GRM7: variants seen among roughly 807,000 people sequenced by gnomAD.
GRM7 encodes metabotropic glutamate receptor 7.
Under a neutral mutation model 84.5 loss-of-function variants are expected in GRM7, and 35 were observed. The observed-to-expected ratio is 0.41, with a 90% CI of 0.32 to 0.55. The LOEUF is 0.55. GRM7 is among the 20% of genes least tolerant of loss of function. GRM7 has a pLI of 0.19. For synonymous variants in GRM7, 487 were observed against 455.1 expected (o/e 1.07, Z -0.89); for missense variants, 1,003 against 1,194.6 (o/e 0.84, Z 2.36).
At chr3:7,570,344 G>A (rs1265010420) in intron 7 of GRM7, among the ~76,000 whole-genome samples, 1 of 152,168 alleles carries the variant, frequency 6.6e-6, no homozygotes, top group Non-Finnish European at 1.5e-5. Context: ...TTCTGCTTAT[G>A]AGCCTGTAAA....
chr3:7,443,505 AAT>A (rs1697378774), intron 5 of GRM7, among the ~76,000 whole-genome samples: 1 of 152,068 alleles, frequency 6.6e-6, no homozygotes, highest in African/African-American at 2.4e-5. Flanking sequence ...TTGTAATCTA[AAT>A]ATGTTTCCCT....
chr3:7,024,763 C>T (rs1304158993), intron 1 of GRM7, among the ~76,000 whole-genome samples: 1 of 152,196 alleles, frequency 6.6e-6, no homozygotes, highest in Admixed American at 6.5e-5. Flanking sequence ...TACTGAAAAT[C>T]TTCTCCTAGA....
intron 1 of GRM7, among the ~76,000 whole-genome samples, chr3:6,911,116 A>G (rs577320153): frequency 4.6e-5 from 7 of 152,274 alleles, no homozygotes; most frequent in Non-Finnish European, 7.4e-5. Flanking sequence ...AACCAAAAAC[A>G]ACAGGAAAGA....
chr3:7,502,603 C>T (rs1379870000), intron 7 of GRM7, among the ~76,000 whole-genome samples: 4 of 152,008 alleles, frequency 2.6e-5, no homozygotes, highest in Admixed American at 6.6e-5. Flanking sequence ...TGTGCACACA[C>T]ACGCACAGAT....
chr3:6,927,003 C>T (rs886791858), intron 1 of GRM7, among the ~76,000 whole-genome samples: 10 of 152,068 alleles, frequency 6.6e-5, no homozygotes, highest in African/African-American at 2.2e-4. Context: ...GGAAGCAGCC[C>T]GCATCTTTCA....
intron 9 of GRM7, among the ~76,000 whole-genome samples, chr3:7,739,439 A>T (rs372572256): frequency 6.6e-6 from 1 of 152,206 alleles, no homozygotes; most frequent in African/African-American, 2.4e-5. Context: ...AGTAAATGCT[A>T]CACAAAAGTT....
At chr3:7,677,653 T>C (rs1700187804) in intron 8 of GRM7, among the ~76,000 whole-genome samples, 1 of 152,218 alleles carries the variant, frequency 6.6e-6, no homozygotes, top group African/African-American at 2.4e-5. Flanking sequence ...AAAGTCTTGA[T>C]GGTCTCTAGT....
At chr3:7,553,486 A>G (rs1480033149) in intron 7 of GRM7, among the ~76,000 whole-genome samples, 2 of 152,136 alleles carry the variant, frequency 1.3e-5, no homozygotes, top group Non-Finnish European at 2.9e-5. Context: ...TCATTTTCAT[A>G]TGGCCATAAA....
At chr3:7,498,702 A>G (rs1303114893) in intron 7 of GRM7, among the ~76,000 whole-genome samples, 1 of 152,242 alleles carries the variant, frequency 6.6e-6, no homozygotes. Flanking sequence ...CTGTATCTCT[A>G]GAAGGCATTT....
chr3:7,636,010 CA>C (rs1279644230), intron 8 of GRM7, among the ~76,000 whole-genome samples: 7 of 152,052 alleles, frequency 4.6e-5, no homozygotes, highest in Non-Finnish European at 7.4e-5. Flanking sequence ...TACTTTGCTT[CA>C]AAAAAGCACA....
In GRM7 at chr3:7,596,786, A is replaced by T. The variant is rs554228352; in HGVS notation, c.2451+17429A>T. Among the ~76,000 whole-genome samples the T allele has an allele frequency of 2.0e-5, 3 of 152,216 alleles. No individual in the cohort carries two copies. The East Asian group carries it at 5.8e-4, about 30-fold the overall frequency. ...GAGAGAGAGCTTCTGTGAGCATAAT[A>T]AAGGCTCTCAAGGGGTTTTACTGTC... On this transcript the variant is annotated intron_variant, in intron 8 of 9. Coordinates refer to ENST00000357716, the MANE Select transcript of GRM7 (RefSeq NM_000844.4).
At chr3:7,668,024 G>C (rs1699770491) in intron 8 of GRM7, among the ~76,000 whole-genome samples, 1 of 152,168 alleles carries the variant, frequency 6.6e-6, no homozygotes, top group Admixed American at 6.5e-5. Context: ...AGAGTTGTTG[G>C]ATTTTCATTG....
chr3:7,227,026 A>G (rs1353192826), intron 2 of GRM7, among the ~76,000 whole-genome samples: 2 of 152,214 alleles, frequency 1.3e-5, no homozygotes, highest in Non-Finnish European at 2.9e-5. Context: ...GTTAAAAATT[A>G]ACTAGAGATT....
chr3:7,040,477 G>A (rs1696557709), intron 1 of GRM7, among the ~76,000 whole-genome samples: 1 of 151,802 alleles, frequency 6.6e-6, no homozygotes, highest in African/African-American at 2.4e-5. Context: ...TAATTTTTTT[G>A]TATTTTTAGT....
At chr3:7,651,027 G>A (rs951137840) in intron 8 of GRM7, among the ~76,000 whole-genome samples, 2 of 136,200 alleles carry the variant, frequency 1.5e-5, no homozygotes, top group Non-Finnish European at 3.3e-5. Flanking sequence ...GAAAATTGTG[G>A]GGAAAGAAGG....
intron 2 of GRM7, among the ~76,000 whole-genome samples, chr3:7,292,726 T>TTA (rs1559558184): frequency 7.1e-6 from 1 of 140,792 alleles, no homozygotes; most frequent in Non-Finnish European, 1.6e-5. Context: ...CTTTTTTTTT[T>TTA]AAAAAAAAAA....
At chr3:7,503,369 G>A (rs563511266) in intron 7 of GRM7, among the ~76,000 whole-genome samples, 1 of 151,774 alleles carries the variant, frequency 6.6e-6, no homozygotes, top group Admixed American at 6.6e-5. Context: ...TCCACCAAGA[G>A]AATAAAATGT....
rs2125042340 is a variant in GRM7, at chr3:6,928,871, T to C, written c.519+66964T>C. Among the ~76,000 whole-genome samples the C allele has an allele frequency of 6.6e-6, 1 of 152,360 alleles. No homozygotes were observed. The highest frequency in any genetic ancestry group is 2.4e-5 in the African/African-American group (1 of 41,586). Reference sequence around the variant, plus strand: ...TGATTAGGTTCCCCCATATTTGAACTGGTACATAAAATGCCAGTCATAGTG... The same window carrying C: ...TGATTAGGTTCCCCCATATTTGAACCGGTACATAAAATGCCAGTCATAGTG... On this transcript the variant is annotated intron_variant, in intron 1 of 9. Coordinates refer to ENST00000357716, the MANE Select transcript of GRM7 (RefSeq NM_000844.4). The surrounding 1 kb of genome is among the most constrained non-coding windows in gnomAD (Gnocchi z 4.5).
At chr3:7,548,944 G>T (rs1693306033) in intron 7 of GRM7, among the ~76,000 whole-genome samples, 1 of 152,186 alleles carries the variant, frequency 6.6e-6, no homozygotes, top group Non-Finnish European at 1.5e-5. Context: ...AATGCATGGT[G>T]GTGGTTATTA....
Sources: gnomAD v4.1 joint callset for allele counts (sites outside exome capture counted in the v4.1 genomes callset) on GRCh38, gnomAD v4.1.1 for gene constraint, Gnocchi (gnomAD v3.1) non-coding constraint, MANE v1.5 for transcripts, NCBI Gene and HGNC (gene_info 2026-07-23, HGNC 2026-07-21) for gene names.